Variants in MIS18A observed in about 807,000 individuals in gnomAD.
The protein encoded by MIS18A is protein Mis18-alpha.
MIS18A carries 14 observed loss-of-function variants against 25.0 expected under a neutral mutation model. The ratio of observed to expected loss-of-function variants is 0.56; its 90% CI spans 0.37 to 0.88. The LOEUF (loss-of-function observed/expected upper bound fraction) is 0.88. MIS18A is among the 40% of genes least tolerant of loss of function. The pLI is 0.00. For missense variants in MIS18A, 292 were observed against 290.8 expected, an observed-to-expected ratio of 1.00 and a Z score of -0.03; for synonymous variants, 134 against 118.6, an observed-to-expected ratio of 1.13 and a Z score of -0.84.
At chr21:32,253,331 A>C in the MIS18A span, among the ~76,000 whole-genome samples, 1 of 152,042 alleles carries the variant, frequency 6.6e-6, no homozygotes, top group South Asian at 2.1e-4. Flanking sequence ...CCAGCTGAGG[A>C]TTGTCCCTTT....
the MIS18A span, among the ~76,000 whole-genome samples, chr21:32,223,376 C>T: frequency 7.3e-4 from 111 of 151,992 alleles, no homozygotes; most frequent in African/African-American, 2.4e-3. Context: ...ATAGATGGAA[C>T]GCCAGCCAGA....
the MIS18A span, among the ~76,000 whole-genome samples, chr21:32,214,569 T>C: frequency 3.3e-5 from 5 of 152,348 alleles, no homozygotes; most frequent in East Asian, 9.6e-4. Context: ...TAGTAGCCTA[T>C]ATGTTCTAAT....
At chr21:32,274,182 G>A (rs1308160958) in intron 2 of MIS18A, among the ~76,000 whole-genome samples, 3 of 147,032 alleles carry the variant, frequency 2.0e-5, no homozygotes, top group African/African-American at 7.5e-5. Flanking sequence ...TATAATATAG[G>A]TATTTCCTTT....
chr21:32,176,770 C>T, the MIS18A span, among the ~76,000 whole-genome samples: 1 of 148,836 alleles, frequency 6.7e-6, no homozygotes, highest in African/African-American at 2.5e-5. Context: ...AACTGAATAT[C>T]AACAAGGCAA....
the MIS18A span, among the ~76,000 whole-genome samples, chr21:32,257,721 A>T: frequency 6.6e-6 from 1 of 152,190 alleles, no homozygotes; most frequent in South Asian, 2.1e-4. Context: ...GACGCCAGGG[A>T]TGTGAAATTG....
the MIS18A span, among the ~76,000 whole-genome samples, chr21:32,259,366 G>C: frequency 6.6e-6 from 1 of 152,176 alleles, no homozygotes; most frequent in African/African-American, 2.4e-5. Flanking sequence ...CACTGAGAAG[G>C]CTGGGGAGCC....
chr21:32,183,680 C>A, the MIS18A span, among the ~76,000 whole-genome samples: 2 of 152,204 alleles, frequency 1.3e-5, no homozygotes, highest in Admixed American at 1.3e-4. Flanking sequence ...CAGCTGCTGA[C>A]ACACCTTGTT....
the MIS18A span, among the ~76,000 whole-genome samples, chr21:32,218,799 G>T: frequency 6.6e-6 from 1 of 152,090 alleles, no homozygotes; most frequent in Non-Finnish European, 1.5e-5. Context: ...CGAAATGGTA[G>T]AAATAAATCT....
downstream of MIS18A, among the ~76,000 whole-genome samples, chr21:32,266,608 T>C (rs2031609405): frequency 1.3e-5 from 2 of 150,928 alleles, no homozygotes; most frequent in Non-Finnish European, 1.5e-5. Flanking sequence ...CCTTAAGAGC[T>C]GTAACACTCA....
the MIS18A span, among the ~76,000 whole-genome samples, chr21:32,193,802 T>C: frequency 6.6e-6 from 1 of 152,116 alleles, no homozygotes; most frequent in Non-Finnish European, 1.5e-5. Context: ...AAATGACCAA[T>C]AAACAAACTA....
At chr21:32,263,631 G>A (rs1458325810), downstream of MIS18A, among the ~76,000 whole-genome samples, 1 of 151,874 alleles carries the variant, frequency 6.6e-6, no homozygotes, top group Non-Finnish European at 1.5e-5. Context: ...TCCAGACATG[G>A]CTAACTTTAA....
At chr21:32,194,876 A>G in the MIS18A span, among the ~76,000 whole-genome samples, 67 of 149,330 alleles carry the variant, frequency 4.5e-4, no homozygotes, top group African/African-American at 1.6e-3. Context: ...AATAACACAC[A>G]TTGCAAATTC....
the MIS18A span, among the ~76,000 whole-genome samples, chr21:32,157,107 G>A: frequency 6.9e-6 from 1 of 145,666 alleles, no homozygotes; most frequent in Non-Finnish European, 1.5e-5. Flanking sequence ...CCAGGCTGGA[G>A]TGCAGTGGCG....
the MIS18A span, among the ~76,000 whole-genome samples, chr21:32,163,880 G>C: frequency 2.0e-5 from 3 of 152,134 alleles, no homozygotes; most frequent in Non-Finnish European, 4.4e-5. Flanking sequence ...TAGGTAATAA[G>C]GAAAAGAGGT....
chr21:32,165,966 C>T, the MIS18A span, among the ~76,000 whole-genome samples: 2 of 152,210 alleles, frequency 1.3e-5, no homozygotes, highest in African/African-American at 4.8e-5. Flanking sequence ...CACCTTCTCA[C>T]TCCTGCAAAG....
At chr21:32,197,666 C>T in the MIS18A span, 2 of 152,172 alleles carry the variant, frequency 1.3e-5, no homozygotes, top group African/African-American at 4.8e-5. Context: ...GAAAGCACAG[C>T]AGAGGAAAAG....
At chr21:32,203,613 C>CTTTTTTTTTTTTTTTTTTTTT in the MIS18A span, among the ~76,000 whole-genome samples, 1 of 85,388 alleles carries the variant, frequency 1.2e-5, no homozygotes, top group Non-Finnish European at 2.1e-5. Flanking sequence ...TTTTTAAATG[C>CTTTTTTTTTTTTTTTTTTTTT]TTTTTTTTTT....
At chr21:32,271,435 C>T (rs2031712887) in intron 2 of MIS18A, among the ~76,000 whole-genome samples, 4 of 152,186 alleles carry the variant, frequency 2.6e-5, no homozygotes. Context: ...AGATTATAGA[C>T]TACATCATTG....
At chr21:32,219,723 T>C in the MIS18A span, among the ~76,000 whole-genome samples, 1 of 152,206 alleles carries the variant, frequency 6.6e-6, no homozygotes, top group Admixed American at 6.5e-5. Context: ...TAAGATCCAC[T>C]GGTGTGAAAT....
Sources: allele counts gnomAD v4.1 joint callset (sites outside exome capture counted in the v4.1 genomes callset), GRCh38; gene constraint gnomAD v4.1.1; transcripts MANE v1.5; gene names NCBI Gene and HGNC (gene_info 2026-07-23, HGNC 2026-07-21).